EIF4A2: variants seen among roughly 807,000 people sequenced by gnomAD.
The protein encoded by EIF4A2 is eukaryotic translation initiation factor 4A2.
In EIF4A2, 9 loss-of-function variants were observed where a neutral mutation model predicts 50.6. That is an observed-to-expected ratio of 0.18 (90% confidence interval 0.11 to 0.31). EIF4A2 has a LOEUF of 0.31. Ranked by LOEUF, EIF4A2 falls within the 10% of genes least tolerant of loss-of-function variation. The pLI, the probability that EIF4A2 is intolerant of heterozygous loss-of-function variation, is 1.00. For synonymous variants in EIF4A2, 215 were observed against 164.4 expected, an observed-to-expected ratio of 1.31 and a Z score of -2.35; for missense variants, 182 against 501.8, an observed-to-expected ratio of 0.36 and a Z score of 6.09.
chr3:186,784,832 T>C (rs780906671), intron 3 of EIF4A2, 130 bp from the exon 4 acceptor site: 1 of 1,597,802 alleles, frequency 6.3e-7, no homozygotes, highest in South Asian at 1.1e-5. Context: ...GGGACTGACC[T>C]GAAATGAAGA....
intron 10 of EIF4A2, 23 bp from the exon 11 acceptor site, chr3:186,789,101 GT>G (rs1553798636): frequency 1.7e-5 from 28 of 1,609,854 alleles, no homozygotes; most frequent in Non-Finnish European, 2.4e-5. Flanking sequence ...GAGAAGTAAC[GT>G]TCTGATTCTT....
intron 10 of EIF4A2, chr3:186,788,900 AT>A (rs1293495857): frequency 1.9e-6 from 1 of 525,168 alleles, no homozygotes; most frequent in African/African-American, 2.0e-5. Context: ...AAGATGCCTG[AT>A]AAAAATCTCA....
At chr3:186,786,802 C>A in intron 7 of EIF4A2, 157 bp downstream of exon 7, 2 of 1,057,104 alleles carry the variant, frequency 1.9e-6, no homozygotes, top group South Asian at 2.5e-5. Flanking sequence ...CTGGGGTGGA[C>A]CTCTTTCTTA....
chr3:186,785,655 G>C (rs1721656625), intron 4 of EIF4A2: 1 of 503,168 alleles, frequency 2.0e-6, no homozygotes, highest in Non-Finnish European at 3.5e-6. Context: ...GGATTGTCTA[G>C]CTGATGCGTG....
In EIF4A2 at chr3:186,789,374, G is replaced by A; in HGVS notation, c.*105G>A. 1 of 1,437,866 alleles carries A rather than the reference G, an allele frequency of 7.0e-7. No individual in the cohort carries two copies. The highest frequency in any genetic ancestry group is 9.3e-7 in the Non-Finnish European group (1 of 1,077,076). The allele number at this position is 1,437,866 out of a possible 1,614,324, so 89.1% of individuals were successfully genotyped here. On this transcript the variant is annotated 3_prime_UTR_variant, in exon 11 of 11. Transcript: ENST00000323963. ...GGGAATATTTGAATCTTGTCTCAAT[G>A]CTCATAACGGATCAGAAATACAGAT...
At position 186,787,479 on chromosome 3, in the gene EIF4A2, G is replaced by A. The variant is rs1423131467; in HGVS notation, c.910-16G>A. On this transcript the variant is annotated splice_polypyrimidine_tract_variant and intron_variant, in intron 8 of 10. Coordinates refer to ENST00000323963, the MANE Select transcript of EIF4A2 (RefSeq NM_001967.4). The stretch of plus-strand genomic sequence containing the variant: ...CCTGACTGGTGATTCTTGAATTAAG[G>A]TTTATTAATTTGCAGCATGGTGACA... 6.2e-7 allele frequency: 1 copy of A among 1,611,928 alleles called. No homozygotes were observed. Among genetic ancestry groups the A allele is most frequent in the African/African-American group, 1.3e-5 (1 of 74,852 alleles).
intron 4 of EIF4A2, chr3:186,785,599 G>A (rs1009524034): frequency 7.9e-6 from 3 of 378,212 alleles, no homozygotes; most frequent in African/African-American, 4.0e-5. Context: ...ATTTCACTAC[G>A]TACTCCCTAC....
chr3:186,786,901 AG>A, intron 7 of EIF4A2: 6 of 884,664 alleles, frequency 6.8e-6, no homozygotes, highest in Non-Finnish European at 1.1e-5. Context: ...CTACGTTTTG[AG>A]ACTGGGTTAT....
chr3:186,787,939 A>AT, intron 10 of EIF4A2, 57 bp downstream of exon 10: 1 of 1,555,302 alleles, frequency 6.4e-7, no homozygotes, highest in Non-Finnish European at 8.8e-7. Context: ...TTCTACTGTG[A>AT]TTTGTATGAA....
rs768874870 is a variant in EIF4A2, at chr3:186,784,480, A to G, written c.75+3A>G. On this transcript the variant is annotated splice_donor_region_variant and intron_variant, in intron 2 of 10. Coordinates refer to ENST00000323963, the MANE Select transcript of EIF4A2 (RefSeq NM_001967.4). Reference sequence around the variant, plus strand: ...TGGACCCCGATGGTGTCATCGAGGTAAGAAACGGTTGTGGATCTTGAAGCT... The same window carrying G: ...TGGACCCCGATGGTGTCATCGAGGTGAGAAACGGTTGTGGATCTTGAAGCT... 3 of 1,614,130 alleles carry G rather than the reference A, an allele frequency of 1.9e-6. No homozygotes were observed. The highest frequency in any genetic ancestry group is 2.5e-6 in the Non-Finnish European group (3 of 1,180,050).
At chr3:186,786,436 C>A (rs1721716982) in intron 6 of EIF4A2, 66 bp from the exon 7 acceptor site, 3 of 1,583,208 alleles carry the variant, frequency 1.9e-6, no homozygotes, top group South Asian at 2.3e-5. Flanking sequence ...AGACGCTTGG[C>A]TTCAGACATT....
At chr3:186,788,095 TC>T in intron 10 of EIF4A2, 1 of 705,736 alleles carries the variant, frequency 1.4e-6, no homozygotes, top group South Asian at 1.9e-5. Flanking sequence ...AGGGTTTTTT[TC>T]CACAATTGTT....
chr3:186,785,346 C>T lies in EIF4A2; in HGVS notation c.348+245C>T, dbSNP rs944722241. 6 of 516,882 alleles carry T rather than the reference C, an allele frequency of 1.2e-5. No homozygotes were observed. The East Asian group carries it at 2.0e-4, about 17-fold the overall frequency. The allele number at this position is 516,882 out of a possible 1,614,324, so 32.0% of individuals were successfully genotyped here. A position where few individuals can be genotyped will look rare whatever the true frequency, so the allele number is the denominator to read the frequency against. ...CTCTTGGATGTACTAGATCTGTCCC[C>T]ATTTTTTAAGTTTGAATGCAGTTGT... On this transcript the variant is annotated intron_variant, in intron 4 of 10. Transcript: ENST00000323963.
intron 3 of EIF4A2, 126 bp downstream of exon 3, chr3:186,784,822 G>T (rs1480144225): frequency 1.9e-6 from 3 of 1,597,776 alleles, no homozygotes; most frequent in Non-Finnish European, 2.6e-6. Flanking sequence ...ATCATCTTTC[G>T]GGACTGACCT....
Position 186,785,349 on chromosome 3 carries a change from T to A in EIF4A2, c.348+248T>A, listed in dbSNP as rs1040629724. On this transcript the variant is annotated intron_variant, in intron 4 of 10. Transcript: ENST00000323963. ...TTGGATGTACTAGATCTGTCCCCATTTTTTAAGTTTGAATGCAGTTGTGCA... is the reference window on the plus strand; with the variant it reads ...TTGGATGTACTAGATCTGTCCCCATATTTTAAGTTTGAATGCAGTTGTGCA... 8.6e-5 allele frequency: 44 copies of A among 512,478 alleles called. 1 individual carries two copies. The East Asian group carries it at 1.4e-3, about 16-fold the overall frequency. 31.7% of individuals were successfully genotyped at this position (512,478 alleles called of 1,614,324 possible). A position where few individuals can be genotyped will look rare whatever the true frequency, so the allele number is the denominator to read the frequency against.
At chr3:186,788,826 T>G (rs1209921564) in intron 10 of EIF4A2, 5 of 305,692 alleles carry the variant, frequency 1.6e-5, no homozygotes, top group Non-Finnish European at 2.4e-5. Context: ...CTGGCCCACT[T>G]TGGTATGGGC....
chr3:186,788,226 G>C lies in EIF4A2; in HGVS notation c.1079+344G>C, dbSNP rs1015705019. Reference sequence around the variant, plus strand: ...CTGGTAGCAATTTGAGTGAACCCTGGTTTAGTTATAGTGGCTTTATCCCTA... The same window carrying C: ...CTGGTAGCAATTTGAGTGAACCCTGCTTTAGTTATAGTGGCTTTATCCCTA... On this transcript the variant is annotated intron_variant, in intron 10 of 10. Coordinates refer to ENST00000323963, the MANE Select transcript of EIF4A2 (RefSeq NM_001967.4). The C allele has an allele frequency of 2.5e-5, 29 of 1,173,826 alleles. 1 individual carries two copies. The highest frequency in any genetic ancestry group is 5.1e-5 in the Admixed American group (2 of 38,854). 72.7% of individuals were successfully genotyped at this position (1,173,826 alleles called of 1,614,324 possible). A position where few individuals can be genotyped will look rare whatever the true frequency, so the allele number is the denominator to read the frequency against.
At position 186,783,635 on chromosome 3, in the gene EIF4A2, A is replaced by G. The variant is rs1377442083; in HGVS notation, c.25A>G (p.Asn9Asp). 1.2e-6 allele frequency: 2 copies of G among 1,614,136 alleles called. No individual in the cohort carries two copies. Among genetic ancestry groups the G allele is most frequent in the South Asian group, 1.1e-5 (1 of 91,080 alleles). Residue 9 changes from asparagine (N) to aspartate (D), a missense_variant, in exon 1 of 11, where the codon AAC (asparagine) becomes GAC (aspartate). Coordinates refer to ENST00000323963, the MANE Select transcript of EIF4A2 (RefSeq NM_001967.4). The part of the protein sequence containing the change: MSGGSADY[N>D]REHGGPEGMD... Reference sequence around the variant, plus strand: ...CATGTCTGGTGGCTCCGCGGATTATAACAGGTATGCAGTCTGTTGGCGGTC... The same window carrying G: ...CATGTCTGGTGGCTCCGCGGATTATGACAGGTATGCAGTCTGTTGGCGGTC...
chr3:186,784,294 G>A, intron 1 of EIF4A2, 138 bp from the exon 2 acceptor site: 1 of 1,264,886 alleles, frequency 7.9e-7, no homozygotes, highest in Non-Finnish European at 1.1e-6. Context: ...GCACAGTGTG[G>A]ATATTCGCCC....
Sources: allele counts gnomAD v4.1 joint callset, GRCh38; gene constraint gnomAD v4.1.1; transcripts MANE v1.5; gene names NCBI Gene and HGNC (gene_info 2026-07-23, HGNC 2026-07-21).